Variants in EHD4 observed in about 807,000 individuals in gnomAD.
The protein encoded by EHD4 is EH domain-containing protein 4.
In EHD4, 37 loss-of-function variants were observed where a neutral mutation model predicts 51.0. That is an observed-to-expected ratio of 0.73 (90% CI 0.56 to 0.95). The LOEUF (loss-of-function observed/expected upper bound fraction) is 0.95. Among genes scored for constraint, EHD4 ranks in the 40% least tolerant of loss-of-function variants. EHD4 has a pLI of 0.00. For synonymous variants in EHD4, 297 were observed against 317.3 expected, an observed-to-expected ratio of 0.94 and a Z score of 0.68; for missense variants, 632 against 733.1, an observed-to-expected ratio of 0.86 and a Z score of 1.59.
rs529096926 is a variant in EHD4 at position 41,897,989 on chromosome 15, A to G, written c.*2656T>C. 6.6e-6 allele frequency: 1 copy of G among 152,306 alleles called. No homozygotes were observed. The highest frequency in any genetic ancestry group is 1.5e-5 in the Non-Finnish European group (1 of 68,032). 9.4% of individuals were successfully genotyped at this position (152,306 alleles called of 1,614,324 possible). The stretch of plus-strand genomic sequence containing the variant: ...GGTAGGGAGACAGCTGGTGGTGTGG[A>G]CACATTCACAGAACTTTGTACTGGT... On this transcript the variant is annotated 3_prime_UTR_variant, in exon 6 of 6. Coordinates refer to ENST00000220325, the MANE Select transcript of EHD4 (RefSeq NM_139265.4).
chr15:41,922,926 A>T (rs1437115097), intron 3 of EHD4, among the ~76,000 whole-genome samples: 1 of 152,232 alleles, frequency 6.6e-6, no homozygotes, highest in Admixed American at 6.5e-5. Context: ...TCTGTCACAC[A>T]TCAGGCAACA....
intron 5 of EHD4, among the ~76,000 whole-genome samples, chr15:41,901,574 A>G (rs1052025314): frequency 6.6e-6 from 1 of 152,150 alleles, no homozygotes; most frequent in African/African-American, 2.4e-5. Context: ...TTAGAACCAC[A>G]TTTTACAGAG....
chr15:41,935,583 C>A (rs2067726590), intron 3 of EHD4, among the ~76,000 whole-genome samples: 1 of 152,134 alleles, frequency 6.6e-6, no homozygotes, highest in Admixed American at 6.5e-5. Flanking sequence ...ATTACATTTT[C>A]TCATGGGGTT....
chr15:41,944,946 T>C (rs1163777442), intron 2 of EHD4, among the ~76,000 whole-genome samples: 2 of 152,136 alleles, frequency 1.3e-5, no homozygotes, highest in Non-Finnish European at 2.9e-5. Flanking sequence ...GGGGAGAGGT[T>C]TGTGGGAATA....
chr15:41,934,484 T>G (rs2067719150), intron 3 of EHD4, among the ~76,000 whole-genome samples: 1 of 151,924 alleles, frequency 6.6e-6, no homozygotes, highest in South Asian at 2.1e-4. Context: ...CCAACTAATT[T>G]ATTTTATTTT....
At chr15:41,926,846 C>T (rs77343963) in intron 3 of EHD4, among the ~76,000 whole-genome samples, 1,708 of 152,330 alleles carry the variant, frequency 0.011, 28 homozygotes, top group South Asian at 0.041. Context: ...GCTTTTCTTT[C>T]TGTCTGGAAT....
rs1198843312 is a variant in EHD4, at chr15:41,972,442, G to A, written c.53C>T (p.Ala18Val). Residue 18 changes from alanine to valine, a missense_variant, in exon 1 of 6, where the codon GCG (alanine) becomes GTG (valine). Coordinates refer to ENST00000220325, the MANE Select transcript of EHD4 (RefSeq NM_139265.4). Reference sequence around the variant, plus strand: ...GCCCGTCACCGTCTGCACCGCGTCCGCGCCGCCAGCGCGTTCGCGCCCGCC... The same window carrying A: ...GCCCGTCACCGTCTGCACCGCGTCCACGCCGCCAGCGCGTTCGCGCCCGCC... ...QAGGRERAGG[A>V]DAVQTVTGGL... 28 of 1,579,618 alleles carry A rather than the reference G, an allele frequency of 1.8e-5. No individual in the cohort carries two copies. The highest frequency in any genetic ancestry group is 2.3e-5 in the Non-Finnish European group (27 of 1,165,744).
intron 3 of EHD4, chr15:41,928,320 G>A (rs777311291): frequency 1.3e-5 from 2 of 152,172 alleles, no homozygotes; most frequent in Non-Finnish European, 2.9e-5. Context: ...ATCCCATGAA[G>A]TAGGTACTTT....
At chr15:41,970,789 GTA>G (rs752943238) in intron 1 of EHD4, among the ~76,000 whole-genome samples, 1 of 152,174 alleles carries the variant, frequency 6.6e-6, no homozygotes, top group Non-Finnish European at 1.5e-5. Flanking sequence ...TTTCTTCTTT[GTA>G]TGTTTCAACA....
intron 3 of EHD4, among the ~76,000 whole-genome samples, chr15:41,937,290 A>G (rs2067738156): frequency 6.6e-6 from 1 of 152,118 alleles, no homozygotes; most frequent in African/African-American, 2.4e-5. Flanking sequence ...GAGCTCACAT[A>G]TCTCTCTCTG....
chr15:41,937,290 ATC>A (rs539628171), intron 3 of EHD4, among the ~76,000 whole-genome samples: 17 of 152,118 alleles, frequency 1.1e-4, no homozygotes, highest in African/African-American at 3.9e-4. Context: ...GAGCTCACAT[ATC>A]TCTCTCTGTT....
chr15:41,902,300 C>T (rs759752287), intron 5 of EHD4, among the ~76,000 whole-genome samples: 17 of 151,064 alleles, frequency 1.1e-4, no homozygotes, highest in Non-Finnish European at 1.9e-4. Flanking sequence ...TCCAACAACC[C>T]ACCTGTCCAA....
In EHD4 at chr15:41,898,091, T is replaced by C. The variant is rs2067451443; in HGVS notation, c.*2554A>G. 1 of 152,252 alleles carries C rather than the reference T, an allele frequency of 6.6e-6. No individual in the cohort carries two copies. The highest frequency in any genetic ancestry group is 1.5e-5 in the Non-Finnish European group (1 of 68,038). 9.4% of individuals were successfully genotyped at this position (152,252 alleles called of 1,614,324 possible). On this transcript the variant is annotated 3_prime_UTR_variant, in exon 6 of 6. Transcript: ENST00000220325. Reference sequence around the variant, plus strand: ...GTTTTCTTTTCCAGTCAACTTTTCTTGATGAATGACTGCATGTAAGAGGAT... The same window carrying C: ...GTTTTCTTTTCCAGTCAACTTTTCTCGATGAATGACTGCATGTAAGAGGAT...
intron 2 of EHD4, among the ~76,000 whole-genome samples, chr15:41,951,781 G>A (rs552485438): frequency 1.3e-5 from 2 of 152,264 alleles, no homozygotes; most frequent in South Asian, 4.1e-4. Context: ...CTGGAGAGTT[G>A]ACCCTCTGGG....
chr15:41,953,534 T>C (rs577353914), intron 2 of EHD4, among the ~76,000 whole-genome samples: 3 of 152,290 alleles, frequency 2.0e-5, no homozygotes, highest in Admixed American at 1.3e-4. Context: ...AGCCTTATAA[T>C]GTCCAGTTCT....
chr15:41,951,881 C>T (rs1241526268), intron 2 of EHD4, among the ~76,000 whole-genome samples: 1 of 152,182 alleles, frequency 6.6e-6, no homozygotes, highest in Non-Finnish European at 1.5e-5. Flanking sequence ...GTAAACTCCT[C>T]CTAGAAAAGT....
chr15:41,964,032 C>A (rs1359787967), intron 1 of EHD4, among the ~76,000 whole-genome samples: 1 of 150,656 alleles, frequency 6.6e-6, no homozygotes, highest in Non-Finnish European at 1.5e-5. Context: ...GTAGTCCCAG[C>A]TACTCCAGAG....
At chr15:41,914,808 T>G (rs2067572873) in intron 4 of EHD4, among the ~76,000 whole-genome samples, 1 of 143,178 alleles carries the variant, frequency 7.0e-6, no homozygotes, top group Non-Finnish European at 1.5e-5. Flanking sequence ...TTTTTTGAAA[T>G]GGAGTCTTGC....
chr15:41,938,518 A>G (rs563670191), intron 3 of EHD4, among the ~76,000 whole-genome samples: 1 of 152,100 alleles, frequency 6.6e-6, no homozygotes, highest in Non-Finnish European at 1.5e-5. Context: ...TCCCAGTTCT[A>G]TTCATTGGTT....
Sources: allele counts gnomAD v4.1 joint callset (sites outside exome capture counted in the v4.1 genomes callset), GRCh38; gene constraint gnomAD v4.1.1; transcripts MANE v1.5; gene names NCBI Gene and HGNC (gene_info 2026-07-23, HGNC 2026-07-21).